Variants in XPNPEP3 observed in about 807,000 individuals in gnomAD.
The protein encoded by XPNPEP3 is X-prolyl aminopeptidase 3, also known as xaa-Pro aminopeptidase 3.
In XPNPEP3, 41 loss-of-function variants were observed where a neutral mutation model predicts 60.0. That is an observed-to-expected ratio of 0.68 (90% CI 0.53 to 0.89). XPNPEP3 has a LOEUF of 0.89. Among genes scored for constraint, XPNPEP3 ranks in the 40% least tolerant of loss-of-function variants. The pLI, the probability that XPNPEP3 is intolerant of heterozygous loss-of-function variation, is 0.00. For missense variants in XPNPEP3, 598 were observed against 638.9 expected (o/e 0.94, Z 0.69); for synonymous variants, 212 against 223.2 (o/e 0.95, Z 0.45).
At chr22:40,872,642 G>T (rs944290408) in intron 2 of XPNPEP3, among the ~76,000 whole-genome samples, 1 of 151,822 alleles carries the variant, frequency 6.6e-6, no homozygotes, top group Non-Finnish European at 1.5e-5. Context: ...GTAGAAATGG[G>T]GTTTCACCAT....
At chr22:40,898,322 C>T (rs1471808317) in intron 4 of XPNPEP3, among the ~76,000 whole-genome samples, 3 of 125,764 alleles carry the variant, frequency 2.4e-5, no homozygotes, top group African/African-American at 3.4e-5. Flanking sequence ...GGCGCAATCT[C>T]GGCTCACTGC....
chr22:40,862,584 G>A (rs2057956750), intron 1 of XPNPEP3: 3 of 985,442 alleles, frequency 3.0e-6, no homozygotes. Flanking sequence ...AGTACTGGAT[G>A]CTAAACAATT....
At position 40,932,476 on chromosome 22, in the gene XPNPEP3, T is replaced by C. The variant is rs891058674; in HGVS notation, c.*6041T>C. ...TGAATGCATCATTAAACCTTAACAG[T>C]AGAGCAGAATTTCACTGTTACAAAC... On this transcript the variant is annotated 3_prime_UTR_variant, in exon 10 of 10. Coordinates refer to ENST00000357137, the MANE Select transcript of XPNPEP3 (RefSeq NM_022098.4). 11 of 152,140 alleles carry C rather than the reference T, an allele frequency of 7.2e-5. No individual in the cohort carries two copies. Among genetic ancestry groups the C allele is most frequent in the African/African-American group, 2.7e-4 (11 of 41,432 alleles). The allele number at this position is 152,140 out of a possible 1,614,324, so 9.4% of individuals were successfully genotyped here. A position where few individuals can be genotyped will look rare whatever the true frequency, so the allele number is the denominator to read the frequency against.
intron 1 of XPNPEP3, chr22:40,860,777 A>C (rs1472438201): frequency 1.4e-6 from 1 of 692,022 alleles, no homozygotes; most frequent in East Asian, 2.9e-5. Flanking sequence ...CAGCTTCCCG[A>C]GTAGCTGGGA....
At chr22:40,911,784 C>G (rs1219688532) in intron 6 of XPNPEP3, among the ~76,000 whole-genome samples, 2 of 152,182 alleles carry the variant, frequency 1.3e-5, no homozygotes, top group African/African-American at 4.8e-5. Context: ...AAGTGATCTG[C>G]CCGCCTTGGC....
intron 4 of XPNPEP3, among the ~76,000 whole-genome samples, chr22:40,890,795 G>A (rs887011531): frequency 2.0e-5 from 3 of 151,816 alleles, no homozygotes; most frequent in Non-Finnish European, 4.4e-5. Context: ...TGAGCCCAGG[G>A]AGGTCGAGGC....
chr22:40,862,290 CTGTTTCCCCTGTA>C, intron 1 of XPNPEP3: 2 of 1,077,164 alleles, frequency 1.9e-6, no homozygotes, highest in South Asian at 4.0e-5. Flanking sequence ...ATCCTCTGGA[CTGTTTCCCCTGTA>C]TGTTTCCCTG....
chr22:40,886,122 A>C (rs2058067685), intron 3 of XPNPEP3, among the ~76,000 whole-genome samples, 191 bp from the exon 4 acceptor site: 1 of 152,152 alleles, frequency 6.6e-6, no homozygotes, highest in Non-Finnish European at 1.5e-5. Context: ...ATTTCCAGGG[A>C]ATGACCTTTC....
At chr22:40,868,977 A>G (rs1035234897) in intron 1 of XPNPEP3, 22 bp from the exon 2 acceptor site, 1 of 1,574,434 alleles carries the variant, frequency 6.4e-7, no homozygotes, top group Non-Finnish European at 8.7e-7. Context: ...GTTTCATTTC[A>G]TTCTCTTTAT....
At chr22:40,859,110 A>G (rs2057925309) in intron 1 of XPNPEP3, among the ~76,000 whole-genome samples, 1 of 152,170 alleles carries the variant, frequency 6.6e-6, no homozygotes, top group Non-Finnish European at 1.5e-5. Context: ...CAAAATGTGT[A>G]AAAATGTATT....
At chr22:40,909,272 C>G (rs2058168246) in intron 6 of XPNPEP3, 37 bp downstream of exon 6, 1 of 1,522,636 alleles carries the variant, frequency 6.6e-7, no homozygotes, top group Non-Finnish European at 9.1e-7. Flanking sequence ...CCCACTAGGT[C>G]CAGATAGCCT....
chr22:40,869,983 C>A (rs1043331683), intron 2 of XPNPEP3: 1 of 463,042 alleles, frequency 2.2e-6, no homozygotes, highest in African/African-American at 2.0e-5. Context: ...TTTCACTATC[C>A]CCACTCAGTG....
intron 2 of XPNPEP3, among the ~76,000 whole-genome samples, chr22:40,872,472 C>T (rs1011800066): frequency 9.4e-5 from 14 of 149,248 alleles, no homozygotes; most frequent in South Asian, 2.1e-4. Context: ...TTTTTTGAGA[C>T]GGAATTTCGC....
intron 2 of XPNPEP3, among the ~76,000 whole-genome samples, chr22:40,876,763 T>TA (rs1226302767): frequency 6.6e-6 from 1 of 152,236 alleles, no homozygotes; most frequent in Non-Finnish European, 1.5e-5. Context: ...TGCCAAAAAA[T>TA]ACTATCTGGT....
intron 4 of XPNPEP3, among the ~76,000 whole-genome samples, chr22:40,887,554 G>A (rs2058074115): frequency 6.6e-6 from 1 of 152,054 alleles, no homozygotes. Context: ...GTGAAAGAGG[G>A]CCTTTTTACA....
At chr22:40,862,778 T>C (rs1461590516) in intron 1 of XPNPEP3, 3 of 984,082 alleles carry the variant, frequency 3.0e-6, no homozygotes, top group African/African-American at 3.5e-5. Context: ...ATGTATTCAC[T>C]GTATAATTAT....
At chr22:40,868,122 A>C (rs1195361213) in intron 1 of XPNPEP3, among the ~76,000 whole-genome samples, 3 of 152,168 alleles carry the variant, frequency 2.0e-5, no homozygotes, top group African/African-American at 7.2e-5. Flanking sequence ...ATCATGTGCA[A>C]AGAATTTTTT....
At chr22:40,897,029 CTTTT>C (rs762152639) in intron 4 of XPNPEP3, among the ~76,000 whole-genome samples, 2 of 107,688 alleles carry the variant, frequency 1.9e-5, no homozygotes, top group African/African-American at 3.3e-5. Context: ...TTTCCTTCAT[CTTTT>C]TTTTTTTTTT....
chr22:40,909,763 ACT>A (rs2058170336), intron 6 of XPNPEP3, among the ~76,000 whole-genome samples: 1 of 151,880 alleles, frequency 6.6e-6, no homozygotes, highest in Non-Finnish European at 1.5e-5. Context: ...ATGGAGCAAG[ACT>A]CTGTCTCTAA....
Sources: allele counts gnomAD v4.1 joint callset (sites outside exome capture counted in the v4.1 genomes callset), GRCh38; gene constraint gnomAD v4.1.1; transcripts MANE v1.5; gene names NCBI Gene and HGNC (gene_info 2026-07-23, HGNC 2026-07-21).